The following MED13L variants were observed in gnomAD, a reference collection of about 807,000 sequenced individuals.
MED13L encodes the protein mediator complex subunit 13L, also known as mediator of RNA polymerase II transcription subunit 13-like.
MED13L carries 7 observed loss-of-function variants against 220.9 expected under a neutral mutation model. The ratio of observed to expected loss-of-function variants is 0.03; its 90% CI spans 0.02 to 0.06. MED13L has a LOEUF of 0.06. Among genes scored for constraint, MED13L ranks in the 10% least tolerant of loss-of-function variants. MED13L has a pLI of 1.00. For synonymous variants in MED13L, 1,011 were observed against 1,015.2 expected, an observed-to-expected ratio of 1.00 and a Z score of 0.08; for missense variants, 1,965 against 2,760.5, an observed-to-expected ratio of 0.71 and a Z score of 6.46.
chr12:116,252,334 G>C (rs1270650147), intron 1 of MED13L, among the ~76,000 whole-genome samples: 3 of 151,980 alleles, frequency 2.0e-5, no homozygotes, highest in Non-Finnish European at 4.4e-5. Context: ...TATGAGAAAG[G>C]CATAAAATCC....
chr12:116,117,410 CTAAA>C (rs1013534496), intron 2 of MED13L, among the ~76,000 whole-genome samples: 1 of 152,172 alleles, frequency 6.6e-6, no homozygotes, highest in Non-Finnish European at 1.5e-5. Context: ...ATATTATTTA[CTAAA>C]TAATGTATTA....
At chr12:116,245,951 C>T (rs572398562) in intron 1 of MED13L, among the ~76,000 whole-genome samples, 2 of 152,084 alleles carry the variant, frequency 1.3e-5, no homozygotes, top group Non-Finnish European at 2.9e-5. Flanking sequence ...AAGAAAGACT[C>T]GCGGAAGGCA....
At chr12:116,183,987 CA>C (rs1258325547) in intron 2 of MED13L, among the ~76,000 whole-genome samples, 1 of 152,134 alleles carries the variant, frequency 6.6e-6, no homozygotes, top group African/African-American at 2.4e-5. Context: ...GCTCCAAATA[CA>C]GTTTACAAAC....
Position 115,998,510 on chromosome 12 carries a change from C to A in MED13L, c.2570-1280G>T, listed in dbSNP as rs1007711095. ...TCTGCTGTGGTCAGGTCACTTCCCC[C>A]CTTGGGGCCTTGGTTCCTTCATCTA... On this transcript the variant is annotated intron_variant, in intron 14 of 30. Coordinates refer to ENST00000281928, the MANE Select transcript of MED13L (RefSeq NM_015335.5). Among the ~76,000 whole-genome samples, 4 of 152,206 alleles carry A rather than the reference C, an allele frequency of 2.6e-5. No individual in the cohort carries two copies. The South Asian group carries it at 6.2e-4, about 24-fold the overall frequency.
At position 116,008,440 on chromosome 12, in the gene MED13L, G is replaced by A. The variant is rs1370758314; in HGVS notation, c.1973C>T (p.Ala658Val). The A allele has an allele frequency of 6.2e-7, 1 of 1,612,434 alleles. No homozygotes were observed. The highest frequency in any genetic ancestry group is 1.1e-5 in the South Asian group (1 of 90,994). Residue 658 changes from alanine (A) to valine (V), a missense_variant, in exon 10 of 31, where the codon GCC becomes GTC. Transcript: ENST00000281928. ...PPELQGERCD[A>V]KMEVNSESTA... ...GCTCTCTGAGTTTACCTCCATTTTGGCATCACATCTCTCACCCTGGAGCTC... is the reference window on the plus strand; with the variant it reads ...GCTCTCTGAGTTTACCTCCATTTTGACATCACATCTCTCACCCTGGAGCTC...
intron 2 of MED13L, among the ~76,000 whole-genome samples, chr12:116,132,021 G>T (rs1876111484): frequency 6.6e-6 from 1 of 152,106 alleles, no homozygotes; most frequent in African/African-American, 2.4e-5. Context: ...GCTCATGCCT[G>T]TAATCCCAAC....
chr12:116,227,655 G>C (rs1431042482), intron 2 of MED13L, among the ~76,000 whole-genome samples: 1 of 152,104 alleles, frequency 6.6e-6, no homozygotes, highest in Non-Finnish European at 1.5e-5. Context: ...GATCACTATT[G>C]TATGTGTTCT....
intron 20 of MED13L, among the ~76,000 whole-genome samples, 167 bp downstream of exon 20, chr12:115,984,013 C>T (rs1877516041): frequency 6.6e-6 from 1 of 152,118 alleles, no homozygotes. Context: ...AATATATGTC[C>T]ATATAGAAAT....
chr12:116,179,982 C>T (rs1463323596), intron 2 of MED13L, among the ~76,000 whole-genome samples: 1 of 152,204 alleles, frequency 6.6e-6, no homozygotes, highest in Admixed American at 6.5e-5. Flanking sequence ...CTGGTCACGT[C>T]TCATAAATGT....
At chr12:116,022,251 C>A (rs540240541) in intron 5 of MED13L, among the ~76,000 whole-genome samples, 2 of 152,108 alleles carry the variant, frequency 1.3e-5, no homozygotes, top group Admixed American at 6.5e-5. Context: ...CTTATATATG[C>A]GATAAGCTTC....
chr12:116,246,101 A>G (rs777765231), intron 1 of MED13L, among the ~76,000 whole-genome samples: 2 of 152,210 alleles, frequency 1.3e-5, no homozygotes, highest in African/African-American at 2.4e-5. Context: ...CAAAGGTGCA[A>G]TAACTCCAAA....
intron 1 of MED13L, among the ~76,000 whole-genome samples, chr12:116,246,610 C>T (rs1456114253): frequency 1.3e-5 from 2 of 149,170 alleles, no homozygotes; most frequent in African/African-American, 5.0e-5. Flanking sequence ...CTATTTGAGA[C>T]CAGCCTGGGC....
chr12:116,247,857 A>G (rs1200813918), intron 1 of MED13L, among the ~76,000 whole-genome samples: 3 of 152,238 alleles, frequency 2.0e-5, no homozygotes, highest in Admixed American at 6.5e-5. Context: ...TTATTTGACA[A>G]TAAGTTTACT....
intron 4 of MED13L, among the ~76,000 whole-genome samples, chr12:116,039,884 A>G (rs1360457219): frequency 6.6e-6 from 1 of 152,162 alleles, no homozygotes; most frequent in African/African-American, 2.4e-5. Flanking sequence ...GGGGCGAGAT[A>G]CCACCATTTT....
At chr12:116,058,409 T>C (rs556969705) in intron 4 of MED13L, among the ~76,000 whole-genome samples, 11 of 152,212 alleles carry the variant, frequency 7.2e-5, no homozygotes, top group African/African-American at 2.6e-4. Context: ...TGAAGGTGCC[T>C]TTGTAATTAC....
chr12:116,071,167 C>G (rs1870340759), intron 4 of MED13L, among the ~76,000 whole-genome samples: 1 of 151,766 alleles, frequency 6.6e-6, no homozygotes. Flanking sequence ...TTGAAGAAAA[C>G]TGAAAAATAC....
intron 29 of MED13L, 82 bp downstream of exon 29, chr12:115,965,999 TA>T: frequency 1.3e-6 from 2 of 1,523,650 alleles, no homozygotes; most frequent in Non-Finnish European, 1.8e-6. Flanking sequence ...TTATGGTGAC[TA>T]AAACTGAAAT....
chr12:116,097,755 T>C (rs925522592), intron 3 of MED13L, among the ~76,000 whole-genome samples: 9 of 152,160 alleles, frequency 5.9e-5, no homozygotes, highest in Non-Finnish European at 1.3e-4. Flanking sequence ...TTCTAACATG[T>C]TTTTTTGAAG....
intron 4 of MED13L, among the ~76,000 whole-genome samples, chr12:116,033,029 A>G (rs543796918): frequency 6.6e-6 from 1 of 152,176 alleles, no homozygotes; most frequent in Admixed American, 6.5e-5. Flanking sequence ...TGGGGTAGAA[A>G]AAAGGTTTCT....
Sources: allele counts gnomAD v4.1 joint callset (sites outside exome capture counted in the v4.1 genomes callset), GRCh38; gene constraint gnomAD v4.1.1; transcripts MANE v1.5; gene names NCBI Gene and HGNC (gene_info 2026-07-23, HGNC 2026-07-21).